Variants in FAM131C observed in about 807,000 individuals in gnomAD.
FAM131C encodes family with sequence similarity 131 member C, also known as protein FAM131C.
In FAM131C, 14 loss-of-function variants were observed where a neutral mutation model predicts 29.8. The observed-to-expected ratio is 0.47, with a 90% confidence interval of 0.31 to 0.73. The LOEUF (loss-of-function observed/expected upper bound fraction) is 0.73, where lower values mean the gene tolerates loss of function less well. Among genes scored for constraint, FAM131C ranks in the 30% least tolerant of loss-of-function variants. FAM131C has a pLI of 0.05. For missense variants in FAM131C, 252 were observed against 383.8 expected, an observed-to-expected ratio of 0.66 and a Z score of 2.87; for synonymous variants, 86 against 157.8, an observed-to-expected ratio of 0.54 and a Z score of 3.41.
chr1:16,067,712 A>T (rs1245697026), intron 1 of FAM131C, among the ~76,000 whole-genome samples: 1 of 152,144 alleles, frequency 6.6e-6, no homozygotes, highest in Non-Finnish European at 1.5e-5. Context: ...CTAACCTCCC[A>T]GACAGTTCCT....
intron 1 of FAM131C, among the ~76,000 whole-genome samples, chr1:16,070,890 T>A (rs1385882002): frequency 6.6e-6 from 1 of 152,254 alleles, no homozygotes; most frequent in Non-Finnish European, 1.5e-5. Context: ...TCTGCACTCC[T>A]AGCCTCTCTA....
rs756525734 is a variant in FAM131C at position 16,059,552 on chromosome 1, C to T, written c.504G>A (p.Ser168=). The T allele has an allele frequency of 1.1e-5, 17 of 1,607,140 alleles. No individual in the cohort carries two copies. The highest frequency in any genetic ancestry group is 1.7e-5 in the Admixed American group (1 of 58,654). The change falls in exon 6 of 7, where the codon TCG becomes TCA. Residue 168 remains serine (S), a synonymous_variant. Coordinates refer to ENST00000375662, the MANE Select transcript of FAM131C (RefSeq NM_182623.3). ...CGGGGTGCAGCTCCTCTTCGTCCAGCGAGGACCAAGCGCTCAGTGTGGCCT... is the reference window on the plus strand; with the variant it reads ...CGGGGTGCAGCTCCTCTTCGTCCAGTGAGGACCAAGCGCTCAGTGTGGCCT... ...ITEATLSAWS[S]LDEEELHPEN...
chr1:16,069,842 G>T (rs370713190), intron 1 of FAM131C, among the ~76,000 whole-genome samples: 33 of 152,264 alleles, frequency 2.2e-4, no homozygotes, highest in African/African-American at 7.7e-4. Flanking sequence ...GCTCACTGCA[G>T]CTTCGACCTC....
At position 16,059,927 on chromosome 1, in the gene FAM131C, A is replaced by T; in HGVS notation, c.393T>A (p.Ala131=). Residue 131 remains alanine, a synonymous_variant, in exon 5 of 7, where the codon GCT becomes GCA. Transcript: ENST00000375662. The part of the protein sequence containing the change: ...AQPAGWELSP[A]EDEHYCCLPD... The stretch of plus-strand genomic sequence containing the variant: ...GGAGGCAGCAGTAATGCTCGTCCTC[A>T]GCTGGGGACAGCTCCCAGCCTGCCG... The T allele has an allele frequency of 6.2e-7, 1 of 1,610,862 alleles. No individual in the cohort carries two copies. Among genetic ancestry groups the T allele is most frequent in the Non-Finnish European group, 8.5e-7 (1 of 1,179,606 alleles).
intron 1 of FAM131C, among the ~76,000 whole-genome samples, chr1:16,065,698 C>G (rs2023673701): frequency 6.6e-6 from 1 of 152,190 alleles, no homozygotes; most frequent in Non-Finnish European, 1.5e-5. Context: ...CACTTACCCT[C>G]CGGAGTACCC....
chr1:16,059,567 C>T lies in FAM131C; in HGVS notation c.489G>A (p.Leu163=), dbSNP rs748220224. The T allele has an allele frequency of 1.2e-6, 2 of 1,604,330 alleles. No homozygotes were observed. The highest frequency in any genetic ancestry group is 2.2e-5 in the South Asian group (2 of 90,266). ...CTTCGTCCAGCGAGGACCAAGCGCT[C>T]AGTGTGGCCTCTGTGATGGCAAACT... ...AEQFAITEAT[L]SAWSSLDEEE... The change falls in exon 6 of 7, where the codon CTG becomes CTA. Residue 163 remains leucine (L), a synonymous_variant. Coordinates refer to ENST00000375662, the MANE Select transcript of FAM131C (RefSeq NM_182623.3).
At chr1:16,063,679 C>G in intron 1 of FAM131C, 43 bp from the exon 2 acceptor site, 1 of 1,384,532 alleles carries the variant, frequency 7.2e-7, no homozygotes, top group Non-Finnish European at 1.0e-6. Flanking sequence ...AAGCCCAGCC[C>G]TCTCTTGCTT....
chr1:16,072,864 G>A (rs2023767103), intron 1 of FAM131C, among the ~76,000 whole-genome samples: 1 of 151,994 alleles, frequency 6.6e-6, no homozygotes, highest in African/African-American at 2.4e-5. Context: ...CCTGTCCAAG[G>A]ATGGGGGTGG....
At chr1:16,071,738 T>A (rs1300688979) in intron 1 of FAM131C, among the ~76,000 whole-genome samples, 1 of 152,154 alleles carries the variant, frequency 6.6e-6, no homozygotes, top group Non-Finnish European at 1.5e-5. Context: ...CAAAGAGCCC[T>A]GGCAGAGGGG....
In FAM131C at chr1:16,063,515, A is replaced by G. The variant is rs2023634646; in HGVS notation, c.138+6T>C. 6.2e-7 allele frequency: 1 copy of G among 1,608,732 alleles called. No individual in the cohort carries two copies. On this transcript the variant is annotated splice_donor_region_variant and intron_variant, in intron 2 of 6. Transcript: ENST00000375662. ...GGTAGCACAGGGATGAGGAGCAGCC[A>G]GTTACCTTGCCAATGACACAGTCTG...
chr1:16,073,298 C>T (rs2023777140), intron 1 of FAM131C, 123 bp downstream of exon 1: 1 of 475,670 alleles, frequency 2.1e-6, no homozygotes. Context: ...CGCCGCGTCC[C>T]CAGGGGTGCG....
At chr1:16,058,862 C>A (rs1232577181) in intron 6 of FAM131C, 145 bp from the exon 7 acceptor site, 61 of 1,327,380 alleles carry the variant, frequency 4.6e-5, no homozygotes, top group Non-Finnish European at 5.9e-5. Context: ...TTGGTCAAGT[C>A]ACCAAAACTC....
At chr1:16,069,143 G>T (rs1275421111) in intron 1 of FAM131C, among the ~76,000 whole-genome samples, 1 of 152,158 alleles carries the variant, frequency 6.6e-6, no homozygotes, top group Non-Finnish European at 1.5e-5. Context: ...AGAGATGAGG[G>T]TCACACTTCG....
intron 1 of FAM131C, among the ~76,000 whole-genome samples, chr1:16,070,187 G>A (rs1056181986): frequency 1.3e-5 from 2 of 152,190 alleles, no homozygotes; most frequent in African/African-American, 4.8e-5. Flanking sequence ...AGACCCTCCC[G>A]TTCTCTGAGC....
chr1:16,066,724 T>C (rs571434422), intron 1 of FAM131C, among the ~76,000 whole-genome samples: 77 of 152,358 alleles, frequency 5.1e-4, no homozygotes, highest in African/African-American at 1.7e-3. Context: ...TGCAGATGTG[T>C]GTGCACAACA....
At chr1:16,062,850 T>G (rs531250957) in intron 2 of FAM131C, among the ~76,000 whole-genome samples, 2 of 152,352 alleles carry the variant, frequency 1.3e-5, no homozygotes, top group East Asian at 3.9e-4. Context: ...TCTCTTCCTC[T>G]GCAAAATGGT....
Position 16,062,237 on chromosome 1 carries a change from C to T in FAM131C, c.175-45G>A, listed in dbSNP as rs368823196. The T allele has an allele frequency of 1.2e-4, 192 of 1,582,774 alleles. No individual in the cohort carries two copies. In the African/African-American group the frequency reaches 1.9e-3, roughly 15 times the overall value. On this transcript the variant is annotated intron_variant, in intron 3 of 6. Transcript: ENST00000375662. ...GAGTGAGCAGGGTGGGCCAGGCTGC[C>T]GGCCGACATCCCTCCAGCACCACCA...
At position 16,062,645 on chromosome 1, in the gene FAM131C, G is replaced by C. The variant is rs56193927; in HGVS notation, c.139-111C>G. On this transcript the variant is annotated intron_variant, in intron 2 of 6. Coordinates refer to ENST00000375662, the MANE Select transcript of FAM131C (RefSeq NM_182623.3). ...TGGGGGTCAGCCTTCTTCTGGTGCT[G>C]TGTGAGGTTGGGGTCTGCCCTCTCA... 16,909 of 1,473,418 alleles carry C rather than the reference G, an allele frequency of 0.011. 1,250 individuals are homozygous for C. The African/African-American group carries it at 0.19, about 17-fold the overall frequency. The allele number at this position is 1,473,418 out of a possible 1,614,324, so 91.3% of individuals were successfully genotyped here.
At chr1:16,064,254 C>A (rs1200208123) in intron 1 of FAM131C, among the ~76,000 whole-genome samples, 1 of 152,182 alleles carries the variant, frequency 6.6e-6, no homozygotes, top group African/African-American at 2.4e-5. Flanking sequence ...TCCCCTACCC[C>A]ACACACTGCT....
Sources: gnomAD v4.1 joint callset for allele counts (sites outside exome capture counted in the v4.1 genomes callset) on GRCh38, gnomAD v4.1.1 for gene constraint, MANE v1.5 for transcripts, NCBI Gene and HGNC (gene_info 2026-07-23, HGNC 2026-07-21) for gene names.